The following PCDHA10 variants were observed in gnomAD, a reference collection of about 807,000 sequenced individuals.
PCDHA10 encodes protocadherin alpha-10.
A neutral mutation model predicts 61.2 loss-of-function variants in PCDHA10; 45 were observed. The ratio of observed to expected loss-of-function variants is 0.74; its 90% CI spans 0.58 to 0.94. The LOEUF is 0.94. Among genes scored for constraint, PCDHA10 ranks in the 40% least tolerant of loss-of-function variants. PCDHA10 has a pLI of 0.00. For missense variants in PCDHA10, 1,278 were observed against 1,236.2 expected (o/e 1.03, Z -0.51); for synonymous variants, 602 against 548.8 (o/e 1.10, Z -1.35).
At chr5:140,878,550 A>T (rs1483801784) in intron 1 of PCDHA10, among the ~76,000 whole-genome samples, 1 of 152,212 alleles carries the variant, frequency 6.6e-6, no homozygotes, top group African/African-American at 2.4e-5. Flanking sequence ...GTTTCAGATG[A>T]TCCCAAACTT....
chr5:140,928,744 C>T (rs143875858), intron 1 of PCDHA10: 3 of 1,614,144 alleles, frequency 1.9e-6, no homozygotes, highest in Admixed American at 3.3e-5. Context: ...TATAGGTGAG[C>T]TCCGTACTGC....
chr5:140,966,532 G>A (rs1418404048), intron 1 of PCDHA10: 7 of 447,876 alleles, frequency 1.6e-5, no homozygotes, highest in East Asian at 3.5e-5. Flanking sequence ...GAGCCGGGTT[G>A]AGCGACTCGG....
intron 1 of PCDHA10, chr5:140,875,324 C>T (rs2055413972): frequency 3.5e-6 from 5 of 1,426,162 alleles, no homozygotes; most frequent in East Asian, 5.0e-5. Context: ...CAATCATTCA[C>T]GGAATAGGAT....
intron 1 of PCDHA10, among the ~76,000 whole-genome samples, chr5:140,912,549 A>G (rs2075971399): frequency 6.6e-6 from 1 of 152,152 alleles, no homozygotes; most frequent in East Asian, 1.9e-4. Context: ...TTGTCAGCAA[A>G]CAGCAACAGT....
At chr5:140,870,667 T>C (rs251372) in intron 1 of PCDHA10, 777,079 of 1,612,370 alleles carry the variant, frequency 0.48, 188,810 homozygotes, top group South Asian at 0.57. Context: ...GCTGCAGCCG[T>C]TGGACCACGA....
intron 1 of PCDHA10, among the ~76,000 whole-genome samples, chr5:140,912,449 A>G (rs2075925716): frequency 6.6e-6 from 1 of 151,398 alleles, no homozygotes; most frequent in South Asian, 2.1e-4. Flanking sequence ...GTGTGCATTG[A>G]TTTTGTATCC....
At chr5:140,922,980 A>G (rs2081098580) in intron 1 of PCDHA10, among the ~76,000 whole-genome samples, 1 of 152,244 alleles carries the variant, frequency 6.6e-6, no homozygotes, top group African/African-American at 2.4e-5. Flanking sequence ...TATCTCAGAC[A>G]ATAGGCAAGC....
intron 1 of PCDHA10, among the ~76,000 whole-genome samples, chr5:140,949,282 T>C (rs1308331025): frequency 6.6e-6 from 1 of 151,850 alleles, no homozygotes; most frequent in African/African-American, 2.4e-5. Flanking sequence ...GAAAAGAATG[T>C]ATATTCTGTA....
At chr5:140,945,243 A>G (rs1554216829) in intron 1 of PCDHA10, among the ~76,000 whole-genome samples, 1 of 152,166 alleles carries the variant, frequency 6.6e-6, no homozygotes, top group Admixed American at 6.5e-5. Flanking sequence ...AATTTAACCA[A>G]GAGGATGAAA....
chr5:140,964,785 C>G (rs890090665), intron 1 of PCDHA10, among the ~76,000 whole-genome samples: 40 of 151,526 alleles, frequency 2.6e-4, no homozygotes, highest in African/African-American at 9.7e-4. Context: ...GAGGAAGAAG[C>G]CAGAGACCCA....
intron 1 of PCDHA10, chr5:140,882,828 A>T: frequency 6.2e-7 from 1 of 1,614,226 alleles, no homozygotes; most frequent in Non-Finnish European, 8.5e-7. Context: ...AACAGTCTTG[A>T]GCAAATGTCT....
At chr5:140,966,997 G>A in intron 1 of PCDHA10, 3 of 1,604,812 alleles carry the variant, frequency 1.9e-6, no homozygotes, top group Non-Finnish European at 2.5e-6. Flanking sequence ...CGGGTTGCTT[G>A]CGCATCAACC....
At chr5:140,871,475 G>A in intron 1 of PCDHA10, 1 of 1,598,972 alleles carries the variant, frequency 6.3e-7, no homozygotes, top group Non-Finnish European at 8.5e-7. Context: ...CAGGAGCCAG[G>A]GTCAAATCAC....
At chr5:140,860,133 G>GTA (rs1366023813) in intron 1 of PCDHA10, 4 of 149,192 alleles carry the variant, frequency 2.7e-5, no homozygotes, top group Non-Finnish European at 5.9e-5. Flanking sequence ...GTGTGTGTGT[G>GTA]TATATATATG....
intron 1 of PCDHA10, among the ~76,000 whole-genome samples, chr5:140,944,623 T>C (rs535315515): frequency 6.6e-6 from 1 of 152,320 alleles, no homozygotes; most frequent in East Asian, 1.9e-4. Flanking sequence ...AGAAGTATAG[T>C]GTTGTAAGCC....
At chr5:140,991,422 T>G (rs140209692) in intron 3 of PCDHA10, among the ~76,000 whole-genome samples, 7 of 152,330 alleles carry the variant, frequency 4.6e-5, no homozygotes, top group Admixed American at 1.3e-4. Context: ...TATAACAAAT[T>G]AACCATAAAC....
chr5:140,855,933 T>C lies in PCDHA10; in HGVS notation c.-116T>C. 1 of 1,295,336 alleles carries C rather than the reference T, an allele frequency of 7.7e-7. No homozygotes were observed. The highest frequency in any genetic ancestry group is 1.1e-6 in the Non-Finnish European group (1 of 938,806). The allele number at this position is 1,295,336 out of a possible 1,614,324, so 80.2% of individuals were successfully genotyped here. A position where few individuals can be genotyped will look rare whatever the true frequency, so the allele number is the denominator to read the frequency against. Reference sequence around the variant, plus strand: ...CAAGGACTAGGAAGTAGCGTCATTCTGAGATCTCAGCCATTTCGATAAAAA... The same window carrying C: ...CAAGGACTAGGAAGTAGCGTCATTCCGAGATCTCAGCCATTTCGATAAAAA... On this transcript the variant is annotated 5_prime_UTR_variant, in exon 1 of 4. Coordinates refer to ENST00000307360, the MANE Select transcript of PCDHA10 (RefSeq NM_018901.4).
chr5:140,929,159 A>G lies in PCDHA10; in HGVS notation c.2389-49790A>G, dbSNP rs781818133. The G allele has an allele frequency of 1.7e-5, 27 of 1,613,968 alleles. No homozygotes were observed. Among genetic ancestry groups the G allele is most frequent in the South Asian group, 1.4e-4 (13 of 91,088 alleles). On this transcript the variant is annotated intron_variant, in intron 1 of 3. Coordinates refer to ENST00000307360, the MANE Select transcript of PCDHA10 (RefSeq NM_018901.4). The stretch of plus-strand genomic sequence containing the variant: ...GAGAGACTTTCTCAGACTTATCTCT[A>G]TCGGGCCTCTCTGGGACTTGGTTCT...
At chr5:140,861,184 A>G in intron 1 of PCDHA10, 1 of 160,152 alleles carries the variant, frequency 6.2e-6, no homozygotes, top group Non-Finnish European at 1.4e-5. Context: ...AAGTCTTTCT[A>G]GTCATGAAAT....
Sources: allele counts gnomAD v4.1 joint callset (sites outside exome capture counted in the v4.1 genomes callset), GRCh38; gene constraint gnomAD v4.1.1; transcripts MANE v1.5; gene names NCBI Gene and HGNC (gene_info 2026-07-23, HGNC 2026-07-21).